Variants in PCDHGA3 observed in about 807,000 individuals in gnomAD.
PCDHGA3 encodes protocadherin gamma subfamily A, 3, also known as protocadherin gamma-A3.
Under a neutral mutation model 58.5 loss-of-function variants are expected in PCDHGA3, and 40 were observed. The observed-to-expected ratio is 0.68, with a 90% CI of 0.53 to 0.89. The LOEUF (loss-of-function observed/expected upper bound fraction) is 0.89. Among genes scored for constraint, PCDHGA3 ranks in the 40% least tolerant of loss-of-function variants. The pLI is 0.00. For missense variants in PCDHGA3, 1,223 were observed against 1,195.9 expected, an observed-to-expected ratio of 1.02 and a Z score of -0.33; for synonymous variants, 530 against 525.7, an observed-to-expected ratio of 1.01 and a Z score of -0.11.
chr5:141,392,826 C>T, intron 1 of PCDHGA3: 1 of 1,601,188 alleles, frequency 6.2e-7, no homozygotes, highest in Non-Finnish European at 8.5e-7. Context: ...GGCCGCTCCA[C>T]AGAGTCGCCC....
In PCDHGA3 at chr5:141,511,502, A is replaced by G. The variant is rs953158220; in HGVS notation, c.*329A>G. ...CTGAACTCCTCCATCTTCCAAATCAATCAGGCCCATCCATCCCATGCCTCC... is the reference window on the plus strand; with the variant it reads ...CTGAACTCCTCCATCTTCCAAATCAGTCAGGCCCATCCATCCCATGCCTCC... On this transcript the variant is annotated 3_prime_UTR_variant, in exon 4 of 4. Transcript: ENST00000253812. The G allele has an allele frequency of 1.3e-5, 5 of 395,150 alleles. No homozygotes were observed. Among genetic ancestry groups the G allele is most frequent in the African/African-American group, 1.0e-4 (5 of 48,770 alleles). The allele number at this position is 395,150 out of a possible 1,614,324, so 24.5% of individuals were successfully genotyped here.
chr5:141,374,125 C>A, intron 1 of PCDHGA3: 1 of 1,602,448 alleles, frequency 6.2e-7, no homozygotes, highest in East Asian at 2.2e-5. Flanking sequence ...GCGAGCAGGT[C>A]CTGCTCCTCA....
At chr5:141,413,562 T>C in intron 1 of PCDHGA3, 1 of 1,613,850 alleles carries the variant, frequency 6.2e-7, no homozygotes, top group Non-Finnish European at 8.5e-7. Context: ...AAGTAACTGA[T>C]ATCAATGACA....
intron 1 of PCDHGA3, chr5:141,404,304 C>T (rs1182256144): frequency 1.2e-6 from 2 of 1,613,858 alleles, no homozygotes; most frequent in African/African-American, 2.7e-5. Flanking sequence ...AATCCACCTG[C>T]TTTCTCTCAA....
chr5:141,465,606 T>C (rs192541390), intron 1 of PCDHGA3, among the ~76,000 whole-genome samples: 22 of 152,338 alleles, frequency 1.4e-4, no homozygotes, highest in African/African-American at 5.3e-4. Context: ...TATCACTCTT[T>C]GGCCCTCCAG....
intron 1 of PCDHGA3, chr5:141,389,915 C>T (rs371220204): frequency 2.2e-5 from 36 of 1,613,944 alleles, no homozygotes; most frequent in Non-Finnish European, 4.2e-6. Context: ...CTGACCGCCC[C>T]GACCCCTCTG....
At chr5:141,461,013 C>G (rs981329088) in intron 1 of PCDHGA3, among the ~76,000 whole-genome samples, 2 of 148,522 alleles carry the variant, frequency 1.3e-5, no homozygotes, top group Non-Finnish European at 3.0e-5. Flanking sequence ...ATATATATAC[C>G]ACATTTTCTT....
Position 141,421,718 on chromosome 5 carries a change from G to A in PCDHGA3, c.2425-73089G>A, listed in dbSNP as rs778263773. On this transcript the variant is annotated intron_variant, in intron 1 of 3. Transcript: ENST00000253812. ...CCTAATGCTAGGGATCCAGATGTGGGCGTGAACTCCCTCCAGAGCTACCAG... is the reference window on the plus strand; with the variant it reads ...CCTAATGCTAGGGATCCAGATGTGGACGTGAACTCCCTCCAGAGCTACCAG... 3.1e-6 allele frequency: 5 copies of A among 1,613,848 alleles called. No homozygotes were observed. The highest frequency in any genetic ancestry group is 2.7e-5 in the African/African-American group (2 of 74,938).
chr5:141,371,968 T>C (rs768442022), intron 1 of PCDHGA3: 3 of 1,613,154 alleles, frequency 1.9e-6, no homozygotes, highest in Admixed American at 1.7e-5. Context: ...CACGAGCAGC[T>C]GCGTGCCTTC....
rs765353257 is a variant in PCDHGA3 at position 141,431,824 on chromosome 5, G to A, written c.2425-62983G>A. On this transcript the variant is annotated intron_variant, in intron 1 of 3. Coordinates refer to ENST00000253812, the MANE Select transcript of PCDHGA3 (RefSeq NM_018916.4). The surrounding 1 kb of genome is among the most constrained non-coding windows in gnomAD (Gnocchi z 4.8). ...TGGTCCTCACCTCTCTCGCCAGCTC[G>A]GTTCCCGAAAACTCTCCCAGAGGGA... is the stretch of plus-strand genomic sequence containing the variant. The A allele has an allele frequency of 1.3e-5, 21 of 1,614,092 alleles. No homozygotes were observed. In the South Asian group the frequency reaches 2.1e-4, roughly 16 times the overall value.
chr5:141,350,941 C>G (rs374757232), intron 1 of PCDHGA3: 7 of 1,613,958 alleles, frequency 4.3e-6, no homozygotes, highest in Non-Finnish European at 5.9e-6. Flanking sequence ...ATATCTGGAT[C>G]CGAGTTACGG....
intron 1 of PCDHGA3, chr5:141,430,707 CT>C: frequency 6.8e-7 from 1 of 1,478,562 alleles, no homozygotes; most frequent in Non-Finnish European, 9.0e-7. Context: ...GGAACTGCTC[CT>C]GACTTCAGTG....
intron 1 of PCDHGA3, chr5:141,409,656 G>A: frequency 6.2e-7 from 1 of 1,613,618 alleles, no homozygotes; most frequent in South Asian, 1.1e-5. Context: ...GGGCTCAATG[G>A]CCACATCTCC....
intron 1 of PCDHGA3, chr5:141,427,868 C>T (rs1311930991): frequency 4.5e-6 from 7 of 1,559,298 alleles, no homozygotes; most frequent in African/African-American, 2.7e-5. Context: ...CCTTCGAGCT[C>T]ACGATGCAGG....
intron 1 of PCDHGA3, among the ~76,000 whole-genome samples, chr5:141,435,605 C>T (rs776926758): frequency 1.1e-4 from 17 of 152,134 alleles, no homozygotes; most frequent in Non-Finnish European, 1.9e-4. Flanking sequence ...CTGCTTTTTA[C>T]ATTAAATTCC....
At position 141,415,363 on chromosome 5, in the gene PCDHGA3, C is replaced by T. The variant is rs62378454; in HGVS notation, c.2424+68906C>T. 7,186 of 1,614,240 alleles carry T rather than the reference C, an allele frequency of 4.5e-3. 30 individuals carry two copies. Among genetic ancestry groups the T allele is most frequent in the South Asian group, 5.6e-3 (509 of 91,092 alleles). Reference sequence around the variant, plus strand: ...GCGCTGGCACAAGTCACGCCTGCTGCAGGCTTCAGGAGGCGGCTTGACAGG... The same window carrying T: ...GCGCTGGCACAAGTCACGCCTGCTGTAGGCTTCAGGAGGCGGCTTGACAGG... On this transcript the variant is annotated intron_variant, in intron 1 of 3. Transcript: ENST00000253812.
At position 141,405,211 on chromosome 5, in the gene PCDHGA3, T is replaced by G. The variant is rs756004707; in HGVS notation, c.2424+58754T>G. On this transcript the variant is annotated intron_variant, in intron 1 of 3. Coordinates refer to ENST00000253812, the MANE Select transcript of PCDHGA3 (RefSeq NM_018916.4). ...GGGTTCGAGCTTTCCTACAGACCTA[T>G]TCTCAGGAGTTCTCCCTCACCGCTG... The G allele has an allele frequency of 7.4e-6, 12 of 1,613,432 alleles. No homozygotes were observed. In the South Asian group the frequency reaches 1.2e-4, roughly 16 times the overall value.
chr5:141,405,375 C>T lies in PCDHGA3; in HGVS notation c.2424+58918C>T, dbSNP rs368501516. On this transcript the variant is annotated intron_variant, in intron 1 of 3. Transcript: ENST00000253812. ...CCTATAGAAGACACCCCTTTGGTTC[C>T]GGTGAGTTCATTTTTTTTCTTTCTT... The T allele has an allele frequency of 3.2e-5, 51 of 1,602,124 alleles. No individual in the cohort carries two copies. Among genetic ancestry groups the T allele is most frequent in the East Asian group, 6.7e-5 (3 of 44,850 alleles).
At chr5:141,346,741 A>G (rs898416865) in intron 1 of PCDHGA3, among the ~76,000 whole-genome samples, 2 of 152,214 alleles carry the variant, frequency 1.3e-5, no homozygotes. Flanking sequence ...CTAAGTTACT[A>G]TTTGAAATTG....
Sources: gnomAD v4.1 joint callset for allele counts (sites outside exome capture counted in the v4.1 genomes callset) on GRCh38, gnomAD v4.1.1 for gene constraint, Gnocchi (gnomAD v3.1) non-coding constraint, MANE v1.5 for transcripts, NCBI Gene and HGNC (gene_info 2026-07-23, HGNC 2026-07-21) for gene names.